Variants in CSMD1 observed in about 807,000 individuals in gnomAD.
The protein encoded by CSMD1 is CUB and Sushi multiple domains 1, also known as CUB and sushi domain-containing protein 1.
Under a neutral mutation model 417.5 loss-of-function variants are expected in CSMD1, and 213 were observed. That is an observed-to-expected ratio of 0.51 (90% CI 0.46 to 0.57). The LOEUF (loss-of-function observed/expected upper bound fraction) is 0.57, where lower values mean the gene tolerates loss of function less well. Among genes scored for constraint, CSMD1 ranks in the 20% least tolerant of loss-of-function variants. CSMD1 has a pLI of 0.00. For synonymous variants in CSMD1, 2,862 were observed against 1,736.8 expected (o/e 1.65, Z -16.11); for missense variants, 6,923 against 4,529.7 (o/e 1.53, Z -15.17).
At chr8:3,131,951 A>G (rs1317918612) in intron 41 of CSMD1, among the ~76,000 whole-genome samples, 4 of 152,180 alleles carry the variant, frequency 2.6e-5, no homozygotes, top group African/African-American at 9.7e-5. Context: ...AACTAAATTC[A>G]TGGTCTTAAC....
intron 10 of CSMD1, among the ~76,000 whole-genome samples, chr8:3,562,358 G>C (rs1799503803): frequency 1.4e-5 from 1 of 72,488 alleles, no homozygotes; most frequent in Admixed American, 1.1e-4. Flanking sequence ...ATTGCTAATG[G>C]GACACACACA....
At chr8:4,098,530 C>G (rs545589948) in intron 3 of CSMD1, among the ~76,000 whole-genome samples, 3 of 152,238 alleles carry the variant, frequency 2.0e-5, no homozygotes, top group East Asian at 3.9e-4. Flanking sequence ...AAGTCAACCA[C>G]AGAGAGCTGA....
Position 3,754,066 on chromosome 8 carries a change from A to T in CSMD1, c.819-24T>A, listed in dbSNP as rs756553661. On this transcript the variant is annotated intron_variant, in intron 5 of 69. Transcript: ENST00000635120. ...GCCTAGAGAAGAGAAAGAGGAAAAA[A>T]ATCTCCCTTGTAAACCAACAGAGCA... The T allele has an allele frequency of 2.1e-5, 32 of 1,536,226 alleles. 2 individuals are homozygous for T. The highest frequency in any genetic ancestry group is 1.6e-4 in the South Asian group (14 of 88,982).
At chr8:4,058,602 C>G (rs1397376260) in intron 3 of CSMD1, among the ~76,000 whole-genome samples, 1 of 151,170 alleles carries the variant, frequency 6.6e-6, no homozygotes, top group Non-Finnish European at 1.5e-5. Flanking sequence ...GGAAGATCTA[C>G]CAAGCAAATG....
At chr8:4,241,539 C>G (rs1802401334) in intron 3 of CSMD1, among the ~76,000 whole-genome samples, 1 of 152,184 alleles carries the variant, frequency 6.6e-6, no homozygotes, top group African/African-American at 2.4e-5. Flanking sequence ...TAGTGCACCA[C>G]TCTATGTCCA....
At chr8:4,032,151 G>A (rs920759768) in intron 3 of CSMD1, 52 bp from the exon 4 acceptor site, 14 of 1,404,920 alleles carry the variant, frequency 1.0e-5, no homozygotes, top group Middle Eastern at 1.9e-4. Flanking sequence ...TTTCCATGGA[G>A]AGCCACTTAT....
At chr8:3,639,055 A>G (rs1025973189) in intron 7 of CSMD1, among the ~76,000 whole-genome samples, 1 of 152,234 alleles carries the variant, frequency 6.6e-6, no homozygotes, top group Admixed American at 6.5e-5. Context: ...TTTTCCACTT[A>G]GCATTACGTT....
At chr8:3,746,236 A>G (rs946273139) in intron 6 of CSMD1, among the ~76,000 whole-genome samples, 29 of 152,234 alleles carry the variant, frequency 1.9e-4, no homozygotes, top group African/African-American at 6.8e-4. Context: ...CTTCCTCCAC[A>G]TCACAAAACT....
At chr8:3,631,907 G>A (rs529274204) in intron 7 of CSMD1, among the ~76,000 whole-genome samples, 8 of 152,234 alleles carry the variant, frequency 5.3e-5, no homozygotes, top group African/African-American at 1.9e-4. Flanking sequence ...GTAGACTGAC[G>A]AAGCAAAACC....
intron 8 of CSMD1, among the ~76,000 whole-genome samples, chr8:3,588,887 A>C (rs1800717047): frequency 6.6e-6 from 1 of 152,136 alleles, no homozygotes; most frequent in Non-Finnish European, 1.5e-5. Flanking sequence ...AATCACAAGA[A>C]AACAAATCAC....
At chr8:3,966,283 G>A (rs1812674154) in intron 5 of CSMD1, among the ~76,000 whole-genome samples, 1 of 152,156 alleles carries the variant, frequency 6.6e-6, no homozygotes, top group South Asian at 2.1e-4. Context: ...TGAATGCAGA[G>A]GGGCTTGGAC....
chr8:3,864,376 A>C (rs1410971594), intron 5 of CSMD1, among the ~76,000 whole-genome samples: 2 of 152,174 alleles, frequency 1.3e-5, no homozygotes, highest in African/African-American at 4.8e-5. Context: ...AGGTATATAC[A>C]TTTTTAATCA....
At chr8:3,547,523 A>T (rs185072107) in intron 10 of CSMD1, among the ~76,000 whole-genome samples, 1 of 152,192 alleles carries the variant, frequency 6.6e-6, no homozygotes, top group Non-Finnish European at 1.5e-5. Context: ...ACGTCTCTCA[A>T]ATAAGAAAAT....
chr8:3,405,782 G>A (rs911156778), intron 15 of CSMD1, among the ~76,000 whole-genome samples: 17 of 152,150 alleles, frequency 1.1e-4, no homozygotes, highest in Non-Finnish European at 2.2e-4. Context: ...AGGAGCTGGA[G>A]GACCAGCCTG....
chr8:2,948,783 A>G (rs1802424221), intron 68 of CSMD1, among the ~76,000 whole-genome samples: 1 of 152,148 alleles, frequency 6.6e-6, no homozygotes, highest in Non-Finnish European at 1.5e-5. Context: ...GACCAATTGT[A>G]TCTACCCATA....
At chr8:4,127,148 C>G (rs1272988734) in intron 3 of CSMD1, among the ~76,000 whole-genome samples, 2 of 152,086 alleles carry the variant, frequency 1.3e-5, no homozygotes, top group Non-Finnish European at 2.9e-5. Context: ...ATCTTTGCAT[C>G]TGCTGCAGAA....
intron 23 of CSMD1, among the ~76,000 whole-genome samples, chr8:3,329,976 T>C (rs942881613): frequency 3.9e-5 from 6 of 152,188 alleles, no homozygotes; most frequent in African/African-American, 9.7e-5. Context: ...TTGATAGTTA[T>C]AGGCACACAG....
chr8:4,341,293 C>G (rs1341649021), intron 3 of CSMD1, among the ~76,000 whole-genome samples: 1 of 151,978 alleles, frequency 6.6e-6, no homozygotes, highest in African/African-American at 2.4e-5. Context: ...ATTTCAGGCT[C>G]AAATATATTA....
chr8:3,770,147 G>A (rs184428209), intron 5 of CSMD1, among the ~76,000 whole-genome samples: 70 of 152,324 alleles, frequency 4.6e-4, no homozygotes, highest in Non-Finnish European at 8.7e-4. Context: ...AAGGCTACCT[G>A]CAGCCCTGGC....
Sources: allele counts gnomAD v4.1 joint callset (sites outside exome capture counted in the v4.1 genomes callset), GRCh38; gene constraint gnomAD v4.1.1; transcripts MANE v1.5; gene names NCBI Gene and HGNC (gene_info 2026-07-23, HGNC 2026-07-21).